Variants in ERMARD observed in about 807,000 individuals in gnomAD.
The protein encoded by ERMARD is endoplasmic reticulum membrane-associated RNA degradation protein.
Under a neutral mutation model 83.9 loss-of-function variants are expected in ERMARD, and 71 were observed. The ratio of observed to expected loss-of-function variants is 0.85; its 90% CI spans 0.70 to 1.03. The LOEUF is 1.03. ERMARD is among the 50% of genes least tolerant of loss of function. ERMARD has a pLI of 0.00. For synonymous variants in ERMARD, 284 were observed against 298.6 expected (o/e 0.95, Z 0.50); for missense variants, 838 against 810.9 (o/e 1.03, Z -0.41).
rs946686133 is a variant in ERMARD at position 169,776,611 on chromosome 6, G to A, written c.1677G>A (p.Arg559=). ...QVTVASELRH[R]QWVERTLRSR... ...CCGTTGCCTCAGAGCTGAGACACAG[G>A]CAGTGGGTGGAAAGGACGCTGCGGT... The change falls in exon 16 of 18, where the codon AGG becomes AGA. Residue 559 remains arginine, a synonymous_variant. Transcript: ENST00000366773. 3.1e-6 allele frequency: 5 copies of A among 1,614,136 alleles called. No individual in the cohort carries two copies. The highest frequency in any genetic ancestry group is 4.2e-6 in the Non-Finnish European group (5 of 1,180,066).
In ERMARD at chr6:169,773,399, A is replaced by C. The variant is rs764136153; in HGVS notation, c.1314A>C (p.Lys438Asn). 1 of 1,614,204 alleles carries C rather than the reference A, an allele frequency of 6.2e-7. No homozygotes were observed. The highest frequency in any genetic ancestry group is 1.7e-5 in the Admixed American group (1 of 60,030). Residue 438 changes from lysine (K) to asparagine (N), a missense_variant, in exon 13 of 18, where the codon AAA (lysine) becomes AAC (asparagine). Lys to Asn is a moderately conservative substitution (Grantham distance 94, BLOSUM62 0). Coordinates refer to ENST00000366773, the MANE Select transcript of ERMARD (RefSeq NM_018341.3). ...SRCHPVFQLK[K>N]QVLSCEESIR... is the part of the protein sequence containing the mutation. ...GTCATCCGGTTTTTCAGCTTAAAAA[A>C]CAGGTATGCCAAATGCAGGGTCCCG...
In ERMARD at chr6:169,760,656, G is replaced by A; in HGVS notation, c.757G>A (p.Val253Met). Reference sequence around the variant, plus strand: ...TTATTTTACAGATGTTACTTATGAGGTGCTTTCAGTATTAGAAGAAGTGAT... The same window carrying A: ...TTATTTTACAGATGTTACTTATGAGATGCTTTCAGTATTAGAAGAAGTGAT... ...LIVFPDVTYE[V>M]LSVLEEVMMK... Residue 253 changes from valine (V) to methionine (M), a missense_variant, in exon 8 of 18, where the codon GTG becomes ATG. Val to Met is a conservative substitution (Grantham distance 21). Transcript: ENST00000366773. 1.2e-6 allele frequency: 2 copies of A among 1,603,892 alleles called. No individual in the cohort carries two copies. The highest frequency in any genetic ancestry group is 1.7e-6 in the Non-Finnish European group (2 of 1,171,230).
At chr6:169,765,542 T>C (rs1318076929) in intron 9 of ERMARD, among the ~76,000 whole-genome samples, 4 of 152,178 alleles carry the variant, frequency 2.6e-5, no homozygotes, top group Admixed American at 2.6e-4. Context: ...TTGATGTAGG[T>C]AAATGAAAAA....
chr6:169,777,621 G>A (rs1193624580), intron 16 of ERMARD, among the ~76,000 whole-genome samples: 1 of 152,176 alleles, frequency 6.6e-6, no homozygotes, highest in Non-Finnish European at 1.5e-5. Flanking sequence ...AAACATTGAG[G>A]TATATATGAA....
chr6:169,776,230 G>A, intron 15 of ERMARD, 165 bp downstream of exon 15: 4 of 1,522,418 alleles, frequency 2.6e-6, no homozygotes, highest in Non-Finnish European at 3.6e-6. Context: ...GACAATCTCT[G>A]TGCAAGCTTG....
At chr6:169,764,357 G>C (rs1197303770) in intron 9 of ERMARD, among the ~76,000 whole-genome samples, 1 of 149,846 alleles carries the variant, frequency 6.7e-6, no homozygotes, top group South Asian at 2.1e-4. Flanking sequence ...CTCAATCCCC[G>C]GGCTCAAGCG....
At chr6:169,776,751 C>G (rs17860647) in intron 16 of ERMARD, 78 bp downstream of exon 16, 3 of 1,509,768 alleles carry the variant, frequency 2.0e-6, no homozygotes, top group African/African-American at 2.7e-5. Context: ...GTCCTCACTT[C>G]CAGACACACA....
intron 9 of ERMARD, among the ~76,000 whole-genome samples, chr6:169,762,832 T>C (rs1368992072): frequency 1.3e-5 from 2 of 152,228 alleles, no homozygotes; most frequent in Non-Finnish European, 2.9e-5. Flanking sequence ...GTGAGATGGC[T>C]GCGGTCTAGC....
Position 169,779,272 on chromosome 6 carries a change from G to T in ERMARD, c.1830G>T (p.Ala610=). The T allele has an allele frequency of 6.2e-7, 1 of 1,614,140 alleles. No homozygotes were observed. The highest frequency in any genetic ancestry group is 8.5e-7 in the Non-Finnish European group (1 of 1,179,992). ...TTCATGCTGTTTGTGGGAAGAATGC[G>T]CATGAGTATCAGCAGTACCTAAAGT... The part of the protein sequence containing the change: ...VNIHAVCGKN[A]HEYQQYLKFV... The change falls in exon 17 of 18, where the codon GCG becomes GCT. Residue 610 remains alanine (A), a synonymous_variant. Coordinates refer to ENST00000366773, the MANE Select transcript of ERMARD (RefSeq NM_018341.3).
chr6:169,765,683 G>A (rs147392105), intron 9 of ERMARD, among the ~76,000 whole-genome samples: 1,566 of 152,316 alleles, frequency 0.01, 13 homozygotes, highest in African/African-American at 0.021. Flanking sequence ...GTGTAGTAAT[G>A]TTGAAGAATA....
chr6:169,774,949 T>C, intron 13 of ERMARD, among the ~76,000 whole-genome samples: 1 of 152,192 alleles, frequency 6.6e-6, no homozygotes, highest in Non-Finnish European at 1.5e-5. Context: ...ACACCTGCTG[T>C]GTTCTGTTGG....
At chr6:169,764,884 A>T (rs1157263508) in intron 9 of ERMARD, among the ~76,000 whole-genome samples, 2 of 152,168 alleles carry the variant, frequency 1.3e-5, no homozygotes, top group Non-Finnish European at 2.9e-5. Context: ...CATCTACTCA[A>T]AGGTGGAGGC....
chr6:169,760,515 C>A (rs369638169), intron 7 of ERMARD, 127 bp from the exon 8 acceptor site: 38 of 658,558 alleles, frequency 5.8e-5, no homozygotes, highest in East Asian at 2.0e-4. Flanking sequence ...TAACAAGTCC[C>A]CTGCTGCAGG....
Position 169,759,834 on chromosome 6 carries a change from C to T in ERMARD, c.606-4C>T, listed in dbSNP as rs1380937087. On this transcript the variant is annotated splice_region_variant and splice_polypyrimidine_tract_variant and intron_variant, in intron 6 of 17. Transcript: ENST00000366773. ...TTGTAACAGATCTCTATGGTATTTC[C>T]TAGATACTGTTCAATGATGATACTG... The T allele has an allele frequency of 6.2e-7, 1 of 1,611,916 alleles. No individual in the cohort carries two copies. Among genetic ancestry groups the T allele is most frequent in the South Asian group, 1.1e-5 (1 of 90,986 alleles).
At chr6:169,751,505 C>T (rs756714957), upstream of ERMARD, 5 of 1,610,694 alleles carry the variant, frequency 3.1e-6, no homozygotes, top group Admixed American at 3.3e-5. Context: ...TCACCGCCGG[C>T]GGTCAAACGC....
intron 11 of ERMARD, among the ~76,000 whole-genome samples, chr6:169,769,263 G>A (rs1792595980): frequency 6.6e-6 from 1 of 152,200 alleles, no homozygotes; most frequent in Non-Finnish European, 1.5e-5. Context: ...ATTTGCAAAT[G>A]TTCACACTCA....
chr6:169,768,040 G>T (rs1792438089), intron 10 of ERMARD, 63 bp from the exon 11 acceptor site: 8 of 1,383,596 alleles, frequency 5.8e-6, no homozygotes, highest in Non-Finnish European at 8.2e-6. Flanking sequence ...CATCAACTCT[G>T]AAAGTTCTGT....
intron 1 of ERMARD, 22 bp downstream of exon 1, chr6:169,751,685 G>C: frequency 6.5e-7 from 1 of 1,547,716 alleles, no homozygotes; most frequent in East Asian, 2.4e-5. Context: ...GTAGGGCCCG[G>C]TTCGATCCCG....
intron 2 of ERMARD, 131 bp downstream of exon 2, chr6:169,754,163 A>G: frequency 1.3e-6 from 1 of 796,600 alleles, no homozygotes; most frequent in Middle Eastern, 2.5e-4. Flanking sequence ...AACTCCAAGG[A>G]GAACAGGAAT....
Sources: gnomAD v4.1 joint callset for allele counts (sites outside exome capture counted in the v4.1 genomes callset) on GRCh38, gnomAD v4.1.1 for gene constraint, MANE v1.5 for transcripts, NCBI Gene and HGNC (gene_info 2026-07-23, HGNC 2026-07-21) for gene names.